The following PRKCB variants were observed in gnomAD, a reference collection of about 807,000 sequenced individuals.
PRKCB encodes protein kinase C beta type.
Under a neutral mutation model 81.5 loss-of-function variants are expected in PRKCB, and 13 were observed. The observed-to-expected ratio is 0.16, with a 90% CI of 0.10 to 0.25. The LOEUF (loss-of-function observed/expected upper bound fraction) is 0.25, where lower values mean the gene tolerates loss of function less well. Ranked by LOEUF, PRKCB falls within the 10% of genes least tolerant of loss-of-function variation. PRKCB has a pLI of 1.00. For synonymous variants in PRKCB, 335 were observed against 321.4 expected (o/e 1.04, Z -0.45); for missense variants, 509 against 875.7 (o/e 0.58, Z 5.29).
chr16:23,936,500 C>A (rs1269784766), intron 2 of PRKCB, among the ~76,000 whole-genome samples: 1 of 151,990 alleles, frequency 6.6e-6, no homozygotes. Flanking sequence ...ACAACCTCTG[C>A]CTCCCAGGCT....
chr16:23,841,491 T>G (rs915723512), intron 2 of PRKCB, among the ~76,000 whole-genome samples: 2 of 151,720 alleles, frequency 1.3e-5, no homozygotes, highest in Admixed American at 6.6e-5. Flanking sequence ...TCTTTTATTT[T>G]AAATTTTGTT....
At chr16:23,956,879 T>C (rs567499891) in intron 2 of PRKCB, among the ~76,000 whole-genome samples, 1 of 147,068 alleles carries the variant, frequency 6.8e-6, no homozygotes, top group East Asian at 2.0e-4. Flanking sequence ...GCTTATTTAA[T>C]ACATGGTGCT....
At chr16:23,983,549 C>G (rs1054469204) in intron 2 of PRKCB, among the ~76,000 whole-genome samples, 8 of 152,104 alleles carry the variant, frequency 5.3e-5, no homozygotes, top group Non-Finnish European at 1.0e-4. Flanking sequence ...TATGTTTTCT[C>G]CTTTTTCTAT....
intron 5 of PRKCB, among the ~76,000 whole-genome samples, chr16:24,091,368 G>A (rs8058498): frequency 0.065 from 9,878 of 152,160 alleles, 963 homozygotes; most frequent in African/African-American, 0.21. Context: ...AGTTAGAGTC[G>A]ATTTGGATTG....
chr16:23,841,652 T>C (rs1252420090), intron 2 of PRKCB, among the ~76,000 whole-genome samples: 5 of 33,146 alleles, frequency 1.5e-4, no homozygotes, highest in Non-Finnish European at 3.5e-4. Context: ...CACGGCCCTT[T>C]TTTTTTTTTT....
At chr16:24,089,852 A>G (rs1318363095) in intron 5 of PRKCB, among the ~76,000 whole-genome samples, 1 of 152,132 alleles carries the variant, frequency 6.6e-6, no homozygotes, top group Non-Finnish European at 1.5e-5. Context: ...AAGAATAATA[A>G]TGAAATAGCA....
chr16:23,920,603 G>C (rs1290688637), intron 2 of PRKCB, among the ~76,000 whole-genome samples: 1 of 152,222 alleles, frequency 6.6e-6, no homozygotes, highest in East Asian at 1.9e-4. Flanking sequence ...TGTGATAAGG[G>C]AAGGTTACCC....
chr16:24,041,228 A>G (rs1481796331), intron 5 of PRKCB, among the ~76,000 whole-genome samples: 1 of 150,302 alleles, frequency 6.7e-6, no homozygotes, highest in Non-Finnish European at 1.5e-5. Flanking sequence ...TTTTTTTTGT[A>G]TTTTTGGTAG....
intron 2 of PRKCB, among the ~76,000 whole-genome samples, chr16:23,879,883 T>A (rs1235478857): frequency 3.3e-5 from 5 of 152,210 alleles, no homozygotes; most frequent in Admixed American, 3.3e-4. Flanking sequence ...ATCCTAGCTC[T>A]GCTGTTTTTT....
rs369610152 is a variant in PRKCB, at chr16:23,938,657, CT to C, written c.206-49847del. On this transcript the variant is annotated intron_variant, in intron 2 of 16. Transcript: ENST00000643927. ...ATGAAAACTTTACTTAATCTATCATCTTTTATTGGTTTTACTTAATTTTTCA... is the reference window on the plus strand; with the variant it reads ...ATGAAAACTTTACTTAATCTATCATCTTTATTGGTTTTACTTAATTTTTCA... 4.0e-4 allele frequency among the ~76,000 whole-genome samples: 61 copies of C among 152,270 alleles called. 1 individual carries two copies. The East Asian group carries it at 0.011, about 27-fold the overall frequency.
chr16:23,888,222 C>G (rs557903774), intron 2 of PRKCB, among the ~76,000 whole-genome samples: 1 of 152,320 alleles, frequency 6.6e-6, no homozygotes, highest in South Asian at 2.1e-4. Flanking sequence ...CAGGCTGCCT[C>G]TTAGGACAGA....
At chr16:23,923,835 C>A (rs1963861152) in intron 2 of PRKCB, among the ~76,000 whole-genome samples, 1 of 152,040 alleles carries the variant, frequency 6.6e-6, no homozygotes, top group Admixed American at 6.6e-5. Flanking sequence ...GAAGGGATTG[C>A]TCATTGTGGT....
Position 24,215,485 on chromosome 16 carries a change from C to G in PRKCB, c.*669C>G. On this transcript the variant is annotated 3_prime_UTR_variant, in exon 17 of 17. Transcript: ENST00000643927. Reference sequence around the variant, plus strand: ...TAGTTTCTGATACTTTATGTCTTTGCTCACCCTCATCCCCAAACTACTTGA... The same window carrying G: ...TAGTTTCTGATACTTTATGTCTTTGGTCACCCTCATCCCCAAACTACTTGA... 1.0e-6 allele frequency: 1 copy of G among 985,734 alleles called. No individual in the cohort carries two copies. Among genetic ancestry groups the G allele is most frequent in the Non-Finnish European group, 1.2e-6 (1 of 829,908 alleles). The allele number at this position is 985,734 out of a possible 1,614,324, so 61.1% of individuals were successfully genotyped here.
At position 24,219,204 on chromosome 16, in the gene PRKCB, AAAT is replaced by A; in HGVS notation, c.*4389_*4391del. ...CCACCTCCCTACTGAACAAAAAAAGAAATGCCAGACTTACTAGGAGAATCGAGT... is the reference window on the plus strand; with the variant it reads ...CCACCTCCCTACTGAACAAAAAAAGAGCCAGACTTACTAGGAGAATCGAGT... On this transcript the variant is annotated 3_prime_UTR_variant, in exon 17 of 17. Coordinates refer to ENST00000643927, the MANE Select transcript of PRKCB (RefSeq NM_002738.7). The A allele has an allele frequency of 2.0e-6, 2 of 985,310 alleles. No homozygotes were observed. The highest frequency in any genetic ancestry group is 2.4e-6 in the Non-Finnish European group (2 of 830,004). 61.0% of individuals were successfully genotyped at this position (985,310 alleles called of 1,614,324 possible). A position where few individuals can be genotyped will look rare whatever the true frequency, so the allele number is the denominator to read the frequency against.
intron 3 of PRKCB, among the ~76,000 whole-genome samples, chr16:23,996,245 T>C (rs985851912): frequency 1.3e-5 from 2 of 152,188 alleles, no homozygotes; most frequent in Admixed American, 1.3e-4. Context: ...ATTTTAATAA[T>C]TGACTTGATA....
At chr16:24,103,979 A>AT (rs1396068319) in intron 7 of PRKCB, among the ~76,000 whole-genome samples, 1 of 151,954 alleles carries the variant, frequency 6.6e-6, no homozygotes, top group Non-Finnish European at 1.5e-5. Flanking sequence ...CTAATTTTGT[A>AT]TTTTTAGTAG....
intron 2 of PRKCB, among the ~76,000 whole-genome samples, chr16:23,882,009 TCTTTCTTTCTTTCTTC>T (rs562334511): frequency 0.013 from 703 of 52,170 alleles, 7 homozygotes; most frequent in African/African-American, 0.028. Context: ...TTTCTTTCTT[TCTTTCTTTCTTTCTTC>T]CTTCCTTCCT....
Position 23,848,403 on chromosome 16 carries a change from C to T in PRKCB, c.205+10997C>T, listed in dbSNP as rs1012693072. ...GCAGTGGGGGTGCCTTACCGGAGCA[C>T]CTCGTGGCTGTTGCTATTTTTCACA... On this transcript the variant is annotated intron_variant, in intron 2 of 16. Coordinates refer to ENST00000643927, the MANE Select transcript of PRKCB (RefSeq NM_002738.7). Among the ~76,000 whole-genome samples, 5 of 152,108 alleles carry T rather than the reference C, an allele frequency of 3.3e-5. 1 individual carries two copies. Among genetic ancestry groups the T allele is most frequent in the South Asian group, 4.1e-4 (2 of 4,822 alleles).
chr16:24,143,718 A>C (rs1297356768), intron 9 of PRKCB, among the ~76,000 whole-genome samples: 1 of 152,216 alleles, frequency 6.6e-6, no homozygotes, highest in Non-Finnish European at 1.5e-5. Flanking sequence ...TGTTTGTTTC[A>C]TGTAATCTTG....
Sources: allele counts gnomAD v4.1 joint callset (sites outside exome capture counted in the v4.1 genomes callset), GRCh38; gene constraint gnomAD v4.1.1; transcripts MANE v1.5; gene names NCBI Gene and HGNC (gene_info 2026-07-23, HGNC 2026-07-21).